The following INSL6 variants were observed in gnomAD, a reference collection of about 807,000 sequenced individuals.
The protein encoded by INSL6 is insulin like 6, also known as insulin-like peptide INSL6.
In INSL6, 16 loss-of-function variants were observed where a neutral mutation model predicts 9.4. The ratio of observed to expected loss-of-function variants is 1.70; its 90% confidence interval spans 1.15 to 2.59. INSL6 has a LOEUF of 2.59. INSL6 is among the 30% of genes most tolerant of loss of function. The pLI is 0.00. For synonymous variants in INSL6, 154 were observed against 96.9 expected (o/e 1.59, Z -3.46); for missense variants, 391 against 257.3 (o/e 1.52, Z -3.56).
At chr9:5,057,065 T>A in the INSL6 span, among the ~76,000 whole-genome samples, 10 of 152,202 alleles carry the variant, frequency 6.6e-5, no homozygotes, top group Non-Finnish European at 1.5e-4. Flanking sequence ...CTTTCTCATA[T>A]TAAATTTTTT....
the INSL6 span, among the ~76,000 whole-genome samples, chr9:4,998,253 G>A: frequency 5.3e-5 from 8 of 152,054 alleles, no homozygotes; most frequent in East Asian, 3.9e-4. Flanking sequence ...AAACTCCAAC[G>A]GGTTTTTTTG....
At chr9:5,060,022 T>A in the INSL6 span, among the ~76,000 whole-genome samples, 1 of 152,158 alleles carries the variant, frequency 6.6e-6, no homozygotes, top group African/African-American at 2.4e-5. Flanking sequence ...TAAAGCAAAT[T>A]TTGCAATGAA....
downstream of INSL6, among the ~76,000 whole-genome samples, chr9:5,121,784 T>TTG (rs1823632798): frequency 6.6e-6 from 1 of 152,172 alleles, no homozygotes; most frequent in South Asian, 2.1e-4. Context: ...CTTTTTAAAT[T>TTG]TGTATTTACC....
chr9:5,174,062 G>A lies in INSL6; in HGVS notation c.290-9797C>T, dbSNP rs544356409. Among the ~76,000 whole-genome samples, 20 of 152,210 alleles carry A rather than the reference G, an allele frequency of 1.3e-4. No individual in the cohort carries two copies. In the South Asian group the frequency reaches 2.5e-3, roughly 19 times the overall value. ...CTCTAAAGCCAATTTCTGCACTTAC[G>A]TATTACATCTCTCCTCTTGCCTACC... On this transcript the variant is annotated intron_variant, in intron 1 of 1. Coordinates refer to ENST00000381641, the MANE Select transcript of INSL6 (RefSeq NM_007179.3).
the INSL6 span, among the ~76,000 whole-genome samples, chr9:5,105,311 T>C: frequency 2.0e-5 from 3 of 152,144 alleles, no homozygotes; most frequent in African/African-American, 7.2e-5. Context: ...TCACAATTGC[T>C]ACAAAGAGAA....
the INSL6 span, chr9:5,110,940 C>T: frequency 3.4e-5 from 20 of 584,472 alleles, no homozygotes; most frequent in South Asian, 2.3e-4. Context: ...GGATGGCATC[C>T]GTGGACACGG....
chr9:5,055,878 G>A, the INSL6 span: 1 of 1,206,868 alleles, frequency 8.3e-7, no homozygotes, highest in Non-Finnish European at 1.2e-6. Flanking sequence ...TTATTTTCTG[G>A]TAGGAATTTT....
intron 1 of INSL6, 26 bp from the exon 2 acceptor site, chr9:5,164,291 C>A: frequency 2.8e-6 from 4 of 1,421,962 alleles, no homozygotes; most frequent in Non-Finnish European, 3.9e-6. Context: ...AAAATAAATG[C>A]TCCTTTATTA....
chr9:5,128,333 C>A (rs1163979287), intron 3 of INSL6: 1 of 221,714 alleles, frequency 4.5e-6, no homozygotes, highest in East Asian at 6.4e-5. Flanking sequence ...ATGCAGAAAT[C>A]ATCTAAAATG....
chr9:5,003,120 C>G, the INSL6 span, among the ~76,000 whole-genome samples: 2 of 151,882 alleles, frequency 1.3e-5, no homozygotes, highest in African/African-American at 4.8e-5. Context: ...TACCAATCTG[C>G]TTGTTCTATC....
At chr9:5,031,505 T>C in the INSL6 span, among the ~76,000 whole-genome samples, 1 of 152,308 alleles carries the variant, frequency 6.6e-6, no homozygotes, top group South Asian at 2.1e-4. Context: ...GTAGAATAGT[T>C]GATTAGCTGT....
At chr9:5,011,523 CTTCT>C in the INSL6 span, among the ~76,000 whole-genome samples, 65 of 152,244 alleles carry the variant, frequency 4.3e-4, no homozygotes, top group African/African-American at 1.5e-3. Context: ...TTACATATGG[CTTCT>C]TTATCTTCAT....
the INSL6 span, chr9:5,055,662 A>T: frequency 4.5e-6 from 7 of 1,549,198 alleles, no homozygotes; most frequent in Non-Finnish European, 6.2e-6. Flanking sequence ...CATGCTTTTA[A>T]TTATAGGATT....
intron 1 of INSL6, among the ~76,000 whole-genome samples, chr9:5,169,255 T>A (rs1825127983): frequency 6.6e-6 from 1 of 152,150 alleles, no homozygotes; most frequent in Non-Finnish European, 1.5e-5. Context: ...TAACCTATAA[T>A]ACTGTATCTG....
At chr9:5,022,656 A>G in the INSL6 span, among the ~76,000 whole-genome samples, 4 of 152,164 alleles carry the variant, frequency 2.6e-5, no homozygotes, top group Non-Finnish European at 5.9e-5. Flanking sequence ...ATCTTTCCTC[A>G]TATATATTTC....
chr9:5,097,162 T>A, the INSL6 span: 1 of 152,124 alleles, frequency 6.6e-6, no homozygotes, highest in Non-Finnish European at 1.5e-5. Flanking sequence ...ATTACTACAA[T>A]TATTAACAAA....
At chr9:5,172,836 G>C (rs1045849720) in intron 1 of INSL6, among the ~76,000 whole-genome samples, 18 of 152,026 alleles carry the variant, frequency 1.2e-4, no homozygotes, top group African/African-American at 4.3e-4. Context: ...GCTGAGGCAG[G>C]AGAATTGCTT....
chr9:5,145,675 A>G (rs946027125), intron 2 of INSL6, among the ~76,000 whole-genome samples: 2 of 151,742 alleles, frequency 1.3e-5, no homozygotes, highest in Non-Finnish European at 2.9e-5. Flanking sequence ...TTTTTTCTCT[A>G]TTCTTGTCTA....
At chr9:5,043,644 G>A in the INSL6 span, among the ~76,000 whole-genome samples, 3 of 152,162 alleles carry the variant, frequency 2.0e-5, no homozygotes, top group African/African-American at 7.2e-5. Flanking sequence ...ACTTGTACAT[G>A]ACTCTTCATA....
Sources: allele counts gnomAD v4.1 joint callset (sites outside exome capture counted in the v4.1 genomes callset), GRCh38; gene constraint gnomAD v4.1.1; transcripts MANE v1.5; gene names NCBI Gene and HGNC (gene_info 2026-07-23, HGNC 2026-07-21).